PDCD5: variants seen among roughly 807,000 people sequenced by gnomAD.
PDCD5 encodes the protein programmed cell death 5.
Under a neutral mutation model 21.9 loss-of-function variants are expected in PDCD5, and 23 were observed. The ratio of observed to expected loss-of-function variants is 1.05; its 90% CI spans 0.76 to 1.49. PDCD5 has a LOEUF of 1.49. PDCD5 is among the 40% of genes most tolerant of loss of function. The pLI is 0.00. For synonymous variants in PDCD5, 45 were observed against 49.4 expected (o/e 0.91, Z 0.37); for missense variants, 152 against 147.7 (o/e 1.03, Z -0.15).
intron 2 of PDCD5, among the ~76,000 whole-genome samples, 182 bp downstream of exon 2, chr19:32,582,414 C>T (rs989584001): frequency 1.4e-4 from 22 of 152,296 alleles, no homozygotes; most frequent in African/African-American, 5.3e-4. Context: ...AGCTCCACAT[C>T]AGACCTTGTA....
At chr19:32,586,699 A>G (rs1471789401) in intron 4 of PDCD5, 159 bp from the exon 5 acceptor site, 1 of 1,333,450 alleles carries the variant, frequency 7.5e-7, no homozygotes, top group South Asian at 2.3e-5. Context: ...AACTTAAACC[A>G]ATAGTTATAA....
intron 2 of PDCD5, among the ~76,000 whole-genome samples, chr19:32,582,498 G>A (rs1477207890): frequency 1.3e-5 from 2 of 152,182 alleles, no homozygotes; most frequent in Non-Finnish European, 2.9e-5. Flanking sequence ...AGGCAGCTGT[G>A]GCAGTTTCCT....
chr19:32,582,953 C>CTGGAG (rs1317974827), intron 2 of PDCD5, among the ~76,000 whole-genome samples: 1 of 152,282 alleles, frequency 6.6e-6, no homozygotes, highest in African/African-American at 2.4e-5. Flanking sequence ...TGAGAAGTAT[C>CTGGAG]TGGAGTAGTG....
chr19:32,586,653 TCTC>T (rs1971479626), intron 4 of PDCD5: 1 of 1,295,808 alleles, frequency 7.7e-7, no homozygotes. Flanking sequence ...TCCCCCTCCT[TCTC>T]AAGTGAGGAA....
chr19:32,585,124 T>C lies in PDCD5; in HGVS notation c.166+113T>C. 3 of 810,072 alleles carry C rather than the reference T, an allele frequency of 3.7e-6. No individual in the cohort carries two copies. In the East Asian group the frequency reaches 7.4e-5, roughly 20 times the overall value. 50.2% of individuals were successfully genotyped at this position (810,072 alleles called of 1,614,324 possible). On this transcript the variant is annotated intron_variant, in intron 3 of 5. Coordinates refer to ENST00000590247, the MANE Select transcript of PDCD5 (RefSeq NM_004708.4). ...AATATTTGCTTAGGCTGAAAACACT[T>C]GAGATGTGTAAGAAGTGTGAAGTTT...
rs776795343 is a variant in PDCD5 at position 32,586,021 on chromosome 19, A to C, written c.258+114A>C. On this transcript the variant is annotated intron_variant, in intron 4 of 5. Transcript: ENST00000590247. ...CAGAATTCTTGCTGACTCTCAGAAG[A>C]AATTGTTGGAGAGAATAGTCATACC... 5 of 1,601,548 alleles carry C rather than the reference A, an allele frequency of 3.1e-6. No individual in the cohort carries two copies. In the East Asian group the frequency reaches 8.9e-5, roughly 29 times the overall value.
intron 2 of PDCD5, among the ~76,000 whole-genome samples, chr19:32,582,557 A>G (rs1384722890): frequency 1.3e-5 from 2 of 152,194 alleles, no homozygotes; most frequent in Admixed American, 6.5e-5. Flanking sequence ...TAAGTGCTCA[A>G]TAAGTGTTAA....
At position 32,587,408 on chromosome 19, in the gene PDCD5, T is replaced by A; in HGVS notation, c.*108T>A. On this transcript the variant is annotated 3_prime_UTR_variant, in exon 6 of 6. Coordinates refer to ENST00000590247, the MANE Select transcript of PDCD5 (RefSeq NM_004708.4). ...CTATATGCCTTTTAAAAAAATAAAC[T>A]TGTTATGCAAAATAAAACATTTGGG... is the stretch of plus-strand genomic sequence containing the variant. 3 of 689,944 alleles carry A rather than the reference T, an allele frequency of 4.3e-6. No individual in the cohort carries two copies. In the South Asian group the frequency reaches 7.9e-5, roughly 18 times the overall value. The allele number at this position is 689,944 out of a possible 1,614,324, so 42.7% of individuals were successfully genotyped here.
chr19:32,583,674 G>A (rs1971450721), intron 2 of PDCD5, among the ~76,000 whole-genome samples: 1 of 152,006 alleles, frequency 6.6e-6, no homozygotes, highest in Non-Finnish European at 1.5e-5. Context: ...ATAATAGTTT[G>A]TGGCAGGCCA....
rs1243914212 is a variant in PDCD5 at position 32,582,185 on chromosome 19, T to A, written c.67-10T>A. 6.2e-7 allele frequency: 1 copy of A among 1,610,572 alleles called. No individual in the cohort carries two copies. The highest frequency in any genetic ancestry group is 8.5e-7 in the Non-Finnish European group (1 of 1,177,394). On this transcript the variant is annotated splice_polypyrimidine_tract_variant and intron_variant, in intron 1 of 5. Coordinates refer to ENST00000590247, the MANE Select transcript of PDCD5 (RefSeq NM_004708.4). ...AATTTCTCTATTAAATTTAAGTTTT[T>A]TTTTTCCAGGATCCTGGTGATGCGG...
At chr19:32,587,082 G>A (rs952143406) in intron 5 of PDCD5, 153 bp downstream of exon 5, 13 of 823,980 alleles carry the variant, frequency 1.6e-5, no homozygotes, top group Non-Finnish European at 2.3e-5. Context: ...AATCTGTTGG[G>A]GGAGGGTTCT....
intron 2 of PDCD5, 190 bp from the exon 3 acceptor site, chr19:32,584,759 TG>T (rs1233757591): frequency 1.7e-6 from 1 of 599,760 alleles, no homozygotes; most frequent in African/African-American, 1.9e-5. Flanking sequence ...AATATAAAGC[TG>T]GTTCTTTGAG....
intron 4 of PDCD5, 67 bp from the exon 5 acceptor site, chr19:32,586,791 C>G: frequency 1.3e-6 from 2 of 1,554,786 alleles, no homozygotes; most frequent in South Asian, 1.3e-5. Context: ...CAAAGTGATT[C>G]CATCTGCAGA....
chr19:32,582,926 C>G (rs1466207156), intron 2 of PDCD5, among the ~76,000 whole-genome samples: 1 of 152,062 alleles, frequency 6.6e-6, no homozygotes, highest in Non-Finnish European at 1.5e-5. Flanking sequence ...AGGGAGGGTT[C>G]GGGAGAAGAC....
intron 4 of PDCD5, chr19:32,586,550 T>C: frequency 8.9e-7 from 1 of 1,129,672 alleles, no homozygotes; most frequent in Non-Finnish European, 1.1e-6. Context: ...AACACCGTGG[T>C]ATATGTGGTT....
chr19:32,587,225 T>C, intron 5 of PDCD5, 28 bp from the exon 6 acceptor site: 1 of 1,503,706 alleles, frequency 6.7e-7, no homozygotes, highest in Non-Finnish European at 9.2e-7. Context: ...TTAGAAATGT[T>C]CTGACACTCA....
rs1029237963 is a variant in PDCD5 at position 32,581,220 on chromosome 19, C to T, written c.-42C>T. 4.2e-6 allele frequency: 6 copies of T among 1,429,266 alleles called. No individual in the cohort carries two copies. The highest frequency in any genetic ancestry group is 2.9e-5 in the African/African-American group (2 of 67,876). The allele number at this position is 1,429,266 out of a possible 1,614,324, so 88.5% of individuals were successfully genotyped here. ...TCAAGGCCGCGCTCGCGCCGAGGGG[C>T]TGCGAGAGTGACCGCGGCTGCTCCA... On this transcript the variant is annotated 5_prime_UTR_variant, in exon 1 of 6. Coordinates refer to ENST00000590247, the MANE Select transcript of PDCD5 (RefSeq NM_004708.4).
chr19:32,583,372 TG>T (rs199689630), intron 2 of PDCD5, among the ~76,000 whole-genome samples: 3,302 of 152,218 alleles, frequency 0.022, 54 homozygotes, highest in Middle Eastern at 0.051. Context: ...AAACTCCTGC[TG>T]GGCTCAAGTG....
chr19:32,582,082 A>T (rs1971432648), intron 1 of PDCD5, 113 bp from the exon 2 acceptor site: 1 of 717,360 alleles, frequency 1.4e-6, no homozygotes, highest in African/African-American at 1.8e-5. Context: ...TTATTTGGGG[A>T]GTTGTTTCTA....
Sources: allele counts gnomAD v4.1 joint callset (sites outside exome capture counted in the v4.1 genomes callset), GRCh38; gene constraint gnomAD v4.1.1; transcripts MANE v1.5; gene names NCBI Gene and HGNC (gene_info 2026-07-23, HGNC 2026-07-21).